Variants in STK32B observed in about 807,000 individuals in gnomAD.
STK32B encodes the protein serine/threonine-protein kinase 32B.
In STK32B, 43 loss-of-function variants were observed where a neutral mutation model predicts 52.6. That is an observed-to-expected ratio of 0.82 (90% confidence interval 0.64 to 1.05). STK32B has a LOEUF of 1.05. STK32B is among the 50% of genes least tolerant of loss of function. STK32B has a pLI of 0.00. For synonymous variants in STK32B, 238 were observed against 204.3 expected, an observed-to-expected ratio of 1.17 and a Z score of -1.41; for missense variants, 621 against 534.6, an observed-to-expected ratio of 1.16 and a Z score of -1.59.
At chr4:5,042,990 C>T in the STK32B span, among the ~76,000 whole-genome samples, 4 of 151,630 alleles carry the variant, frequency 2.6e-5, no homozygotes, top group Non-Finnish European at 4.4e-5. Flanking sequence ...CCTGTAGTCC[C>T]AGCTACTCGG....
At chr4:5,023,519 A>G in the STK32B span, among the ~76,000 whole-genome samples, 688 of 152,270 alleles carry the variant, frequency 4.5e-3, 5 homozygotes, top group African/African-American at 0.016. Flanking sequence ...AGATGCGATG[A>G]CACCCTGGTG....
chr4:5,213,907 T>C (rs1232089929), intron 3 of STK32B, among the ~76,000 whole-genome samples: 1 of 152,244 alleles, frequency 6.6e-6, no homozygotes, highest in Non-Finnish European at 1.5e-5. Flanking sequence ...TGATTTTATG[T>C]CTGCTTTGAA....
At chr4:5,418,971 A>G (rs1031972133) in intron 6 of STK32B, among the ~76,000 whole-genome samples, 2 of 152,160 alleles carry the variant, frequency 1.3e-5, no homozygotes, top group East Asian at 1.9e-4. Context: ...CCTAAATTCC[A>G]ATCTATCTTC....
chr4:5,132,192 G>A (rs1301439103), intron 1 of STK32B, among the ~76,000 whole-genome samples: 1 of 152,162 alleles, frequency 6.6e-6, no homozygotes, highest in Non-Finnish European at 1.5e-5. Context: ...CATTTAGGTT[G>A]GTTCTAGGTC....
chr4:5,498,864 C>A (rs1329707340), intron 11 of STK32B, 81 bp from the exon 12 acceptor site: 1 of 1,486,714 alleles, frequency 6.7e-7, no homozygotes, highest in Non-Finnish European at 9.0e-7. Context: ...CCACAGTTGC[C>A]CTGCCTGCCC....
At chr4:5,271,001 G>C (rs12648566) in intron 3 of STK32B, among the ~76,000 whole-genome samples, 1 of 151,448 alleles carries the variant, frequency 6.6e-6, no homozygotes, top group African/African-American at 2.4e-5. Context: ...GCAGGGGTGC[G>C]ATCTCAGCCC....
At position 5,340,387 on chromosome 4, in the gene STK32B, T is replaced by G. The variant is rs547483968; in HGVS notation, c.434+8994T>G. Reference sequence around the variant, plus strand: ...CTGTGATTTGTAGGATAATTAGGAATTAGAACTAGGAAAAGGAATGCAGAA... The same window carrying G: ...CTGTGATTTGTAGGATAATTAGGAAGTAGAACTAGGAAAAGGAATGCAGAA... On this transcript the variant is annotated intron_variant, in intron 4 of 11. Coordinates refer to ENST00000282908, the MANE Select transcript of STK32B (RefSeq NM_018401.3). 5.3e-5 allele frequency among the ~76,000 whole-genome samples: 8 copies of G among 152,286 alleles called. No homozygotes were observed. The East Asian group carries it at 1.4e-3, about 26-fold the overall frequency.
chr4:5,245,487 C>T (rs1577238295), intron 3 of STK32B, among the ~76,000 whole-genome samples: 2 of 152,252 alleles, frequency 1.3e-5, no homozygotes, highest in East Asian at 3.9e-4. Context: ...AGATGGGTTT[C>T]CTGAATACAG....
intron 3 of STK32B, among the ~76,000 whole-genome samples, chr4:5,195,227 C>A (rs1019579340): frequency 6.6e-6 from 1 of 152,068 alleles, no homozygotes; most frequent in African/African-American, 2.4e-5. Flanking sequence ...AGGACATGTA[C>A]CTTTGATTTG....
intron 1 of STK32B, among the ~76,000 whole-genome samples, chr4:5,126,207 T>C (rs1028908265): frequency 6.6e-6 from 1 of 152,198 alleles, no homozygotes; most frequent in African/African-American, 2.4e-5. Context: ...TTGTTAAAAT[T>C]GTTTTAGTTC....
At chr4:5,175,474 G>C (rs1269286759) in intron 3 of STK32B, among the ~76,000 whole-genome samples, 1 of 152,054 alleles carries the variant, frequency 6.6e-6, no homozygotes, top group African/African-American at 2.4e-5. Flanking sequence ...TGTACAGATG[G>C]GTTTTTGGTG....
At chr4:5,099,454 G>GCGCA (rs1553823532) in intron 1 of STK32B, among the ~76,000 whole-genome samples, 7 of 129,850 alleles carry the variant, frequency 5.4e-5, no homozygotes, top group African/African-American at 1.8e-4. Context: ...GTGTGTGCGC[G>GCGCA]CGCGCGTATG....
intron 4 of STK32B, among the ~76,000 whole-genome samples, chr4:5,336,141 C>G (rs28588954): frequency 0.012 from 1,716 of 146,716 alleles, 26 homozygotes; most frequent in South Asian, 0.061. Context: ...CATAATCATA[C>G]TAGATGCTGA....
chr4:5,130,463 G>A (rs1003267383), intron 1 of STK32B, among the ~76,000 whole-genome samples: 2 of 152,014 alleles, frequency 1.3e-5, no homozygotes, highest in East Asian at 1.9e-4. Flanking sequence ...TTGGGCTGTC[G>A]GCTTTGAGAA....
chr4:5,125,968 G>C (rs1455054465), intron 1 of STK32B, among the ~76,000 whole-genome samples: 1 of 151,984 alleles, frequency 6.6e-6, no homozygotes, highest in Non-Finnish European at 1.5e-5. Flanking sequence ...CTTCACTTTG[G>C]CCTGTGATTG....
intron 4 of STK32B, among the ~76,000 whole-genome samples, chr4:5,391,066 C>T (rs1396220207): frequency 1.3e-5 from 2 of 149,352 alleles, no homozygotes; most frequent in Admixed American, 6.8e-5. Context: ...TCACACCATT[C>T]TCCTGCCTTG....
intron 3 of STK32B, among the ~76,000 whole-genome samples, chr4:5,292,750 T>G (rs1177811582): frequency 6.6e-6 from 1 of 152,104 alleles, no homozygotes; most frequent in African/African-American, 2.4e-5. Context: ...GAGTATTTCC[T>G]AGGTTTTGCT....
At chr4:5,089,046 T>G (rs1181930349) in intron 1 of STK32B, among the ~76,000 whole-genome samples, 1 of 151,984 alleles carries the variant, frequency 6.6e-6, no homozygotes, top group East Asian at 1.9e-4. Context: ...TCAAGCCTTT[T>G]ACCTAGACTG....
At chr4:5,434,967 T>G (rs1713926679) in intron 6 of STK32B, among the ~76,000 whole-genome samples, 1 of 152,168 alleles carries the variant, frequency 6.6e-6, no homozygotes, top group Admixed American at 6.5e-5. Flanking sequence ...TGGTCTGGGC[T>G]CCTTCACTCA....
Sources: gnomAD v4.1 joint callset for allele counts (sites outside exome capture counted in the v4.1 genomes callset) on GRCh38, gnomAD v4.1.1 for gene constraint, MANE v1.5 for transcripts, NCBI Gene and HGNC (gene_info 2026-07-23, HGNC 2026-07-21) for gene names.